The following EYA4 variants were observed in gnomAD, a reference collection of about 807,000 sequenced individuals.
EYA4 encodes protein phosphatase EYA4.
A neutral mutation model predicts 87.9 loss-of-function variants in EYA4; 31 were observed. That is an observed-to-expected ratio of 0.35 (90% CI 0.27 to 0.48). EYA4 has a LOEUF of 0.48. EYA4 is among the 20% of genes least tolerant of loss of function. EYA4 has a pLI of 0.99. For synonymous variants in EYA4, 263 were observed against 270.6 expected, an observed-to-expected ratio of 0.97 and a Z score of 0.28; for missense variants, 678 against 761.4, an observed-to-expected ratio of 0.89 and a Z score of 1.29.
intron 2 of EYA4, among the ~76,000 whole-genome samples, chr6:133,349,184 A>G (rs1783444601): frequency 6.6e-6 from 1 of 152,176 alleles, no homozygotes. Flanking sequence ...GTTTTCCAAA[A>G]TATCTTTTGA....
In EYA4 at chr6:133,406,021, T is replaced by C. The variant is rs573364882; in HGVS notation, c.83+23580T>C. On this transcript the variant is annotated intron_variant, in intron 3 of 19. Coordinates refer to ENST00000355286, the MANE Select transcript of EYA4 (RefSeq NM_004100.5). ...GCTGCTAAATTCTATTATCTATCTA[T>C]CTACCTACCTACCTACCTACCTATC... is the stretch of plus-strand genomic sequence containing the variant. Among the ~76,000 whole-genome samples, 7 of 151,000 alleles carry C rather than the reference T, an allele frequency of 4.6e-5. No homozygotes were observed. In the East Asian group the frequency reaches 9.8e-4, roughly 21 times the overall value.
At position 133,425,918 on chromosome 6, in the gene EYA4, T is replaced by C. The variant is rs571823595; in HGVS notation, c.84-20712T>C. Among the ~76,000 whole-genome samples, 3 of 150,976 alleles carry C rather than the reference T, an allele frequency of 2.0e-5. 1 individual carries two copies. The highest frequency in any genetic ancestry group is 7.4e-5 in the African/African-American group (3 of 40,418). ...TAGCACTGAAGATGCTCTATGCTTTTCACGCTTTCTCCCTGACCTCTATCA... is the reference window on the plus strand; with the variant it reads ...TAGCACTGAAGATGCTCTATGCTTTCCACGCTTTCTCCCTGACCTCTATCA... On this transcript the variant is annotated intron_variant, in intron 3 of 19. Transcript: ENST00000355286.
At chr6:133,314,929 G>A (rs1195965598) in intron 2 of EYA4, among the ~76,000 whole-genome samples, 1 of 152,170 alleles carries the variant, frequency 6.6e-6, no homozygotes, top group African/African-American at 2.4e-5. Flanking sequence ...GAGCCACCTT[G>A]TTTTCCTTCC....
intron 1 of EYA4, among the ~76,000 whole-genome samples, chr6:133,254,736 G>A (rs1184018892): frequency 6.6e-6 from 1 of 152,118 alleles, no homozygotes; most frequent in Admixed American, 6.6e-5. Context: ...TTATTTATCA[G>A]CGTCAGATGA....
intron 1 of EYA4, among the ~76,000 whole-genome samples, chr6:133,264,010 C>A (rs541902080): frequency 2.6e-5 from 4 of 152,228 alleles, no homozygotes; most frequent in African/African-American, 9.6e-5. Flanking sequence ...TGTACTCCCC[C>A]ACTTTCCCTT....
intron 3 of EYA4, among the ~76,000 whole-genome samples, chr6:133,425,437 A>AC (rs11374264): frequency 0.017 from 2,514 of 149,600 alleles, 247 homozygotes; most frequent in African/African-American, 0.058. Flanking sequence ...AGGTCATGAC[A>AC]CCCCCCCAAC....
At chr6:133,394,308 T>TTTG in intron 3 of EYA4, among the ~76,000 whole-genome samples, 12 of 88,766 alleles carry the variant, frequency 1.4e-4, no homozygotes, top group African/African-American at 3.5e-4. Context: ...TTTTTTTTTT[T>TTTG]TTTTTTTTTT....
intron 2 of EYA4, among the ~76,000 whole-genome samples, chr6:133,369,252 CATT>C (rs545399899): frequency 6.6e-4 from 100 of 152,054 alleles, no homozygotes; most frequent in African/African-American, 2.3e-3. Context: ...CAGATAATAG[CATT>C]ATTATCTGAT....
chr6:133,526,354 G>T (rs994949773), intron 19 of EYA4, among the ~76,000 whole-genome samples: 3 of 152,106 alleles, frequency 2.0e-5, no homozygotes, highest in African/African-American at 7.2e-5. Flanking sequence ...TAAAGCCTTT[G>T]CCATTTGCAT....
chr6:133,313,526 A>G (rs1158567048), intron 2 of EYA4, among the ~76,000 whole-genome samples: 1 of 152,234 alleles, frequency 6.6e-6, no homozygotes. Context: ...AGGAGAAAAT[A>G]GATTTAGATA....
chr6:133,317,146 C>T (rs574977051), intron 2 of EYA4, among the ~76,000 whole-genome samples: 132 of 152,310 alleles, frequency 8.7e-4, no homozygotes, highest in Middle Eastern at 6.8e-3. Context: ...CATATGTTCT[C>T]TTGGCTTATC....
intron 13 of EYA4, among the ~76,000 whole-genome samples, chr6:133,497,128 G>A (rs1408793594): frequency 6.6e-6 from 1 of 152,090 alleles, no homozygotes; most frequent in Non-Finnish European, 1.5e-5. Context: ...CCATCACCCT[G>A]TGTGATTGAT....
At chr6:133,463,293 T>C (rs1794559285) in intron 9 of EYA4, among the ~76,000 whole-genome samples, 1 of 151,848 alleles carries the variant, frequency 6.6e-6, no homozygotes, top group Admixed American at 6.6e-5. Context: ...ATCCTCCATA[T>C]AGGCATATAG....
At chr6:133,460,331 T>C (rs548199458) in intron 6 of EYA4, among the ~76,000 whole-genome samples, 1 of 149,830 alleles carries the variant, frequency 6.7e-6, no homozygotes, top group Non-Finnish European at 1.5e-5. Flanking sequence ...TTGCAAAACA[T>C]CTGTCTTAGT....
At chr6:133,457,127 G>A (rs1182372588) in intron 6 of EYA4, among the ~76,000 whole-genome samples, 1 of 152,068 alleles carries the variant, frequency 6.6e-6, no homozygotes, top group Non-Finnish European at 1.5e-5. Context: ...AAGTATTAAA[G>A]GTTAATGGGC....
At chr6:133,370,876 T>A (rs1360062591) in intron 2 of EYA4, among the ~76,000 whole-genome samples, 1 of 152,212 alleles carries the variant, frequency 6.6e-6, no homozygotes, top group Admixed American at 6.5e-5. Context: ...ACCATAATAG[T>A]AAGATCAAGT....
intron 3 of EYA4, among the ~76,000 whole-genome samples, chr6:133,430,794 G>T (rs1309156668): frequency 6.6e-6 from 1 of 152,192 alleles, no homozygotes; most frequent in Non-Finnish European, 1.5e-5. Context: ...CAGGCCTTGT[G>T]CTAGGCTTCT....
chr6:133,269,890 C>G (rs914752539), intron 1 of EYA4, among the ~76,000 whole-genome samples: 7 of 152,146 alleles, frequency 4.6e-5, no homozygotes, highest in Admixed American at 1.3e-4. Flanking sequence ...AGGCTGTCTG[C>G]AAGCTGAGGA....
At chr6:133,386,187 T>C (rs1283459953) in intron 3 of EYA4, among the ~76,000 whole-genome samples, 1 of 152,174 alleles carries the variant, frequency 6.6e-6, no homozygotes, top group African/African-American at 2.4e-5. Flanking sequence ...AGATAGACCA[T>C]CTTAAAACAT....
Sources: gnomAD v4.1 joint callset for allele counts (sites outside exome capture counted in the v4.1 genomes callset) on GRCh38, gnomAD v4.1.1 for gene constraint, MANE v1.5 for transcripts, NCBI Gene and HGNC (gene_info 2026-07-23, HGNC 2026-07-21) for gene names.